The following DNAJC1 variants were observed in gnomAD, a reference collection of about 807,000 sequenced individuals.
DNAJC1 encodes the protein dnaJ homolog subfamily C member 1.
Under a neutral mutation model 76.6 loss-of-function variants are expected in DNAJC1, and 58 were observed. The ratio of observed to expected loss-of-function variants is 0.76; its 90% CI spans 0.61 to 0.94. The LOEUF is 0.94. Ranked by LOEUF, DNAJC1 falls within the 40% of genes least tolerant of loss-of-function variation. The pLI is 0.00. For missense variants in DNAJC1, 689 were observed against 677.3 expected (o/e 1.02, Z -0.19); for synonymous variants, 258 against 267.9 (o/e 0.96, Z 0.36).
chr10:21,983,168 G>A (rs1485220082), intron 1 of DNAJC1, among the ~76,000 whole-genome samples: 3 of 152,108 alleles, frequency 2.0e-5, no homozygotes, highest in African/African-American at 7.2e-5. Flanking sequence ...TATACCAATG[G>A]TCATAGCAGC....
At chr10:21,896,964 C>T (rs925559907) in intron 7 of DNAJC1, among the ~76,000 whole-genome samples, 1 of 152,108 alleles carries the variant, frequency 6.6e-6, no homozygotes, top group African/African-American at 2.4e-5. Flanking sequence ...GTGTTTGTGC[C>T]CTCCGGAGGA....
chr10:21,949,029 T>A (rs1418680306), intron 1 of DNAJC1, among the ~76,000 whole-genome samples: 1 of 152,188 alleles, frequency 6.6e-6, no homozygotes, highest in Non-Finnish European at 1.5e-5. Flanking sequence ...TTTTTAAACT[T>A]TTGCTCATCT....
chr10:21,809,313 TTCTA>T (rs1390209097), intron 8 of DNAJC1, among the ~76,000 whole-genome samples: 1 of 152,004 alleles, frequency 6.6e-6, no homozygotes, highest in Admixed American at 6.6e-5. Context: ...AAAGGCTCAT[TTCTA>T]TCTAATAAAT....
intron 8 of DNAJC1, among the ~76,000 whole-genome samples, chr10:21,813,991 G>C (rs1007491921): frequency 2.0e-5 from 3 of 152,114 alleles, no homozygotes; most frequent in East Asian, 1.9e-4. Context: ...ACTGTAGCAG[G>C]CTACCTTATT....
intron 8 of DNAJC1, among the ~76,000 whole-genome samples, chr10:21,833,183 G>A (rs113395255): frequency 0.021 from 3,193 of 152,270 alleles, 43 homozygotes; most frequent in Non-Finnish European, 0.032. Context: ...TTAAGAGCAT[G>A]AGTTCTGGCT....
At chr10:21,991,200 G>A (rs1056427962) in intron 1 of DNAJC1, among the ~76,000 whole-genome samples, 1 of 152,068 alleles carries the variant, frequency 6.6e-6, no homozygotes, top group African/African-American at 2.4e-5. Flanking sequence ...GGGAGAATGG[G>A]CACCCTGAAA....
At chr10:21,949,490 C>T (rs932079095) in intron 1 of DNAJC1, among the ~76,000 whole-genome samples, 17 of 136,560 alleles carry the variant, frequency 1.2e-4, no homozygotes, top group African/African-American at 4.4e-4. Context: ...GATCTCGGCT[C>T]ACTGCAACCT....
At chr10:21,905,392 G>C (rs534554856) in intron 6 of DNAJC1, among the ~76,000 whole-genome samples, 2 of 152,048 alleles carry the variant, frequency 1.3e-5, no homozygotes, top group East Asian at 3.9e-4. Context: ...TCAAACCTCA[G>C]ATAGTCTATA....
At chr10:21,785,375 G>A (rs952977621) in intron 9 of DNAJC1, 4 of 152,168 alleles carry the variant, frequency 2.6e-5, no homozygotes, top group Non-Finnish European at 5.9e-5. Flanking sequence ...TAGATATCTC[G>A]TTCCTCTCTC....
At chr10:21,903,047 C>A (rs1164307370) in intron 7 of DNAJC1, among the ~76,000 whole-genome samples, 2 of 152,208 alleles carry the variant, frequency 1.3e-5, no homozygotes, top group East Asian at 1.9e-4. Context: ...CCTGCCTCAG[C>A]TCCCAAGTAG....
At chr10:21,956,852 AC>A (rs1407377470) in intron 1 of DNAJC1, among the ~76,000 whole-genome samples, 8 of 147,550 alleles carry the variant, frequency 5.4e-5, no homozygotes, top group East Asian at 2.0e-4. Context: ...ACACACACAC[AC>A]AAGTAGGTGT....
intron 11 of DNAJC1, 152 bp downstream of exon 11, chr10:21,759,018 G>A: frequency 2.4e-6 from 2 of 820,312 alleles, no homozygotes; most frequent in Non-Finnish European, 3.9e-6. Flanking sequence ...CACGCTCTAG[G>A]GAGAAATATA....
Position 21,819,608 on chromosome 10 carries a change from T to G in DNAJC1, c.979-13509A>C, listed in dbSNP as rs115459424. The stretch of plus-strand genomic sequence containing the variant: ...CACATTTTGTGCATTTGATATTGAT[T>G]TTTAAAATTTTTTTATTGAGATCTA... On this transcript the variant is annotated intron_variant, in intron 8 of 11. Transcript: ENST00000376980. Among the ~76,000 whole-genome samples the G allele has an allele frequency of 3.7e-3, 562 of 152,238 alleles. 5 individuals are homozygous for G. Among genetic ancestry groups the G allele is most frequent in the African/African-American group, 0.013 (553 of 41,538 alleles).
intron 8 of DNAJC1, among the ~76,000 whole-genome samples, chr10:21,844,406 C>T (rs2131682102): frequency 6.6e-6 from 1 of 152,070 alleles, no homozygotes; most frequent in South Asian, 2.1e-4. Flanking sequence ...TGTGCCTGGC[C>T]CAATCTTACT....
intron 8 of DNAJC1, among the ~76,000 whole-genome samples, chr10:21,831,709 G>C (rs1835358672): frequency 6.8e-6 from 1 of 146,360 alleles, no homozygotes; most frequent in Non-Finnish European, 1.5e-5. Flanking sequence ...AGAATGGCGT[G>C]AACCTAGGAG....
chr10:21,926,260 C>CTT lies in DNAJC1; in HGVS notation c.371+2244_371+2245dup, dbSNP rs774374066. On this transcript the variant is annotated intron_variant, in intron 3 of 11. Transcript: ENST00000376980. ...AGCCACTGTACCCAGCCAGCCTTTCCTTTTTTTTTTTTTTTTTAACTAAAA... is the reference window on the plus strand; with the variant it reads ...AGCCACTGTACCCAGCCAGCCTTTCCTTTTTTTTTTTTTTTTTTTAACTAAAA... Among the ~76,000 whole-genome samples the CTT allele has an allele frequency of 1.5e-4, 20 of 134,714 alleles. 1 individual carries two copies. In the South Asian group the frequency reaches 3.4e-3, roughly 23 times the overall value. The allele number at this position is 134,714 out of a possible 152,430, so 88.4% of individuals were successfully genotyped here. A position where few individuals can be genotyped will look rare whatever the true frequency, so the allele number is the denominator to read the frequency against.
chr10:21,925,566 G>A (rs1033586506), intron 3 of DNAJC1, among the ~76,000 whole-genome samples: 2 of 152,080 alleles, frequency 1.3e-5, no homozygotes, highest in African/African-American at 2.4e-5. Flanking sequence ...ATAGATAAAC[G>A]TAAGTGGTAT....
intron 1 of DNAJC1, among the ~76,000 whole-genome samples, chr10:21,967,324 C>A (rs1044170769): frequency 7.9e-5 from 12 of 152,136 alleles, no homozygotes; most frequent in Non-Finnish European, 1.3e-4. Context: ...TCATTTAGCA[C>A]AATGTTTTTG....
In DNAJC1 at chr10:21,820,417, A is replaced by C. The variant is rs11012798; in HGVS notation, c.979-14318T>G. ...AGGTTTCTATGTAGACGTATGTTTT[A>C]TCTCTCTTGGGTATACACCTGGGAA... On this transcript the variant is annotated intron_variant, in intron 8 of 11. Coordinates refer to ENST00000376980, the MANE Select transcript of DNAJC1 (RefSeq NM_022365.4). Among the ~76,000 whole-genome samples, 964 of 152,314 alleles carry C rather than the reference A, an allele frequency of 6.3e-3. 16 individuals carry two copies. The highest frequency in any genetic ancestry group is 0.022 in the African/African-American group (905 of 41,570).
Sources: allele counts gnomAD v4.1 joint callset (sites outside exome capture counted in the v4.1 genomes callset), GRCh38; gene constraint gnomAD v4.1.1; transcripts MANE v1.5; gene names NCBI Gene and HGNC (gene_info 2026-07-23, HGNC 2026-07-21).